The following CLCN3 variants were observed in gnomAD, a reference collection of about 807,000 sequenced individuals.
CLCN3 encodes the protein Cl-/H+ antiporter 3, also known as H(+)/Cl(-) exchange transporter 3.
CLCN3 carries 16 observed loss-of-function variants against 83.4 expected under a neutral mutation model. That is an observed-to-expected ratio of 0.19 (90% confidence interval 0.13 to 0.29). The LOEUF (loss-of-function observed/expected upper bound fraction) is 0.29. Among genes scored for constraint, CLCN3 ranks in the 10% least tolerant of loss-of-function variants. CLCN3 has a pLI of 1.00. For synonymous variants in CLCN3, 322 were observed against 346.2 expected (o/e 0.93, Z 0.78); for missense variants, 544 against 1,006.0 (o/e 0.54, Z 6.21).
intron 10 of CLCN3, 27 bp downstream of exon 10, chr4:169,704,211 T>C (rs1485410947): frequency 1.3e-6 from 2 of 1,592,730 alleles, no homozygotes; most frequent in Non-Finnish European, 1.7e-6. Context: ...TGCCTGTGTG[T>C]GGATGTTTGC....
intron 2 of CLCN3, among the ~76,000 whole-genome samples, chr4:169,650,200 A>G (rs913710282): frequency 1.3e-5 from 2 of 152,236 alleles, no homozygotes; most frequent in African/African-American, 4.8e-5. Flanking sequence ...TTTGTTTGAT[A>G]TTAACTGCTG....
intron 3 of CLCN3, among the ~76,000 whole-genome samples, chr4:169,684,035 G>GC (rs1560856672): frequency 6.6e-6 from 1 of 152,186 alleles, no homozygotes; most frequent in Non-Finnish European, 1.5e-5. Context: ...GAGCCACTGC[G>GC]CCCGGCCTAC....
intron 2 of CLCN3, among the ~76,000 whole-genome samples, chr4:169,642,349 A>T (rs1221826780): frequency 1.3e-5 from 2 of 152,180 alleles, no homozygotes; most frequent in African/African-American, 4.8e-5. Context: ...ACAAAAACCT[A>T]ACCAATTGTT....
chr4:169,637,549 A>G (rs1036716889), intron 2 of CLCN3, among the ~76,000 whole-genome samples: 1 of 151,892 alleles, frequency 6.6e-6, no homozygotes, highest in Non-Finnish European at 1.5e-5. Flanking sequence ...CCTGCTAGGC[A>G]CCAGAGCAAA....
intron 12 of CLCN3, among the ~76,000 whole-genome samples, chr4:169,718,738 A>G (rs1056929499): frequency 1.5e-4 from 23 of 152,194 alleles, no homozygotes; most frequent in African/African-American, 5.5e-4. Flanking sequence ...TAAGTGCACA[A>G]CTGATTATGT....
chr4:169,635,248 A>C (rs1464905255), intron 1 of CLCN3, among the ~76,000 whole-genome samples: 1 of 152,162 alleles, frequency 6.6e-6, no homozygotes, highest in Non-Finnish European at 1.5e-5. Context: ...CCCCATACTT[A>C]TGTTGAACTC....
intron 1 of CLCN3, among the ~76,000 whole-genome samples, chr4:169,627,762 T>C (rs1773270207): frequency 2.0e-5 from 3 of 152,242 alleles, no homozygotes; most frequent in Non-Finnish European, 2.9e-5. Context: ...TTCTTATACA[T>C]TTGTTATTTA....
At chr4:169,717,973 A>T in intron 12 of CLCN3, 1 of 644,172 alleles carries the variant, frequency 1.6e-6, no homozygotes, top group South Asian at 2.2e-5. Context: ...CTGAACAAAA[A>T]TATCCTACTA....
At chr4:169,706,423 G>A (rs921386255) in intron 10 of CLCN3, among the ~76,000 whole-genome samples, 1 of 152,040 alleles carries the variant, frequency 6.6e-6, no homozygotes, top group African/African-American at 2.4e-5. Context: ...ATTTAGAGGA[G>A]AAATTTATTA....
intron 2 of CLCN3, among the ~76,000 whole-genome samples, chr4:169,653,047 C>T (rs1730771859): frequency 6.6e-6 from 1 of 151,926 alleles, no homozygotes; most frequent in Non-Finnish European, 1.5e-5. Flanking sequence ...TTCTAATGGA[C>T]AAATTATGAA....
intron 1 of CLCN3, among the ~76,000 whole-genome samples, chr4:169,632,651 A>G (rs1227114377): frequency 2.3e-5 from 3 of 129,044 alleles, no homozygotes. Flanking sequence ...CAGGAGGCGG[A>G]GTTTGCAGTG....
At chr4:169,702,554 C>T (rs2150261540) in intron 9 of CLCN3, among the ~76,000 whole-genome samples, 1 of 151,862 alleles carries the variant, frequency 6.6e-6, no homozygotes, top group Middle Eastern at 3.4e-3. Context: ...ATTTATAGAG[C>T]ACAGAGAGAG....
chr4:169,678,280 C>A (rs34693969), intron 2 of CLCN3, among the ~76,000 whole-genome samples: 25,905 of 152,198 alleles, frequency 0.17, 2,830 homozygotes, highest in South Asian at 0.3. Context: ...GACTATTATG[C>A]AGGCTAATTG....
intron 8 of CLCN3, 146 bp downstream of exon 8, chr4:169,695,838 A>AT: frequency 1.8e-6 from 1 of 552,218 alleles, no homozygotes; most frequent in Admixed American, 3.5e-5. Flanking sequence ...CTCATTCTTA[A>AT]TAAAAAGTAA....
At chr4:169,684,898 A>G (rs950361741) in intron 3 of CLCN3, among the ~76,000 whole-genome samples, 2 of 151,948 alleles carry the variant, frequency 1.3e-5, no homozygotes, top group African/African-American at 4.8e-5. Context: ...CAATATGCCT[A>G]CTGAAAAATT....
At chr4:169,672,576 C>T (rs1731515316) in intron 2 of CLCN3, among the ~76,000 whole-genome samples, 1 of 152,074 alleles carries the variant, frequency 6.6e-6, no homozygotes, top group African/African-American at 2.4e-5. Context: ...ATTGGATATA[C>T]TGTTGCTTTT....
intron 2 of CLCN3, among the ~76,000 whole-genome samples, chr4:169,655,702 C>T (rs987078616): frequency 6.6e-6 from 1 of 152,074 alleles, no homozygotes; most frequent in Non-Finnish European, 1.5e-5. Flanking sequence ...CTGGGAATCT[C>T]CCTATGTTAC....
chr4:169,647,784 G>A (rs1581204042), intron 2 of CLCN3, among the ~76,000 whole-genome samples: 1 of 152,188 alleles, frequency 6.6e-6, no homozygotes, highest in South Asian at 2.1e-4. Context: ...TGGAGGAGAA[G>A]CTCAATTCCT....
chr4:169,630,346 G>C (rs57287019), intron 1 of CLCN3, among the ~76,000 whole-genome samples: 4,578 of 152,130 alleles, frequency 0.03, 218 homozygotes, highest in African/African-American at 0.1. Context: ...GTGAGTACCT[G>C]ATGTTAAAGC....
Sources: gnomAD v4.1 joint callset for allele counts (sites outside exome capture counted in the v4.1 genomes callset) on GRCh38, gnomAD v4.1.1 for gene constraint, MANE v1.5 for transcripts, NCBI Gene and HGNC (gene_info 2026-07-23, HGNC 2026-07-21) for gene names.